ST3GAL2: variants seen among roughly 807,000 people sequenced by gnomAD.
The protein encoded by ST3GAL2 is CMP-N-acetylneuraminate-beta-galactosamide-alpha-2,3-sialyltransferase 2.
A neutral mutation model predicts 37.5 loss-of-function variants in ST3GAL2; 16 were observed. The ratio of observed to expected loss-of-function variants is 0.43; its 90% CI spans 0.29 to 0.65. The LOEUF is 0.65. Ranked by LOEUF, ST3GAL2 falls within the 30% of genes least tolerant of loss-of-function variation. ST3GAL2 has a pLI of 0.17. For missense variants in ST3GAL2, 383 were observed against 487.8 expected (o/e 0.79, Z 2.02); for synonymous variants, 238 against 202.9 (o/e 1.17, Z -1.47).
At chr16:70,432,126 T>C (rs2047795440) in intron 1 of ST3GAL2, among the ~76,000 whole-genome samples, 1 of 152,054 alleles carries the variant, frequency 6.6e-6, no homozygotes, top group African/African-American at 2.4e-5. Flanking sequence ...TATTCCAGCC[T>C]GGGTGACACA....
intron 3 of ST3GAL2, among the ~76,000 whole-genome samples, 166 bp from the exon 4 acceptor site, chr16:70,388,712 G>A (rs2047460232): frequency 6.6e-6 from 1 of 152,122 alleles, no homozygotes; most frequent in Non-Finnish European, 1.5e-5. Flanking sequence ...ACAAAGGTGT[G>A]CAAAGATGTG....
intron 6 of ST3GAL2, 76 bp downstream of exon 6, chr16:70,382,729 A>C (rs2047414789): frequency 6.3e-7 from 1 of 1,594,234 alleles, no homozygotes; most frequent in African/African-American, 1.3e-5. Flanking sequence ...TTCCTCTGTT[A>C]GCCTGCTAAG....
chr16:70,383,547 CAAAA>C (rs374735305), intron 4 of ST3GAL2, among the ~76,000 whole-genome samples: 2 of 68,654 alleles, frequency 2.9e-5, no homozygotes, highest in African/African-American at 1.1e-4. Context: ...GTGAGACTGT[CAAAA>C]AAAAAAAGGA....
At chr16:70,410,971 C>A (rs1014541277) in intron 1 of ST3GAL2, among the ~76,000 whole-genome samples, 1 of 152,148 alleles carries the variant, frequency 6.6e-6, no homozygotes, top group Non-Finnish European at 1.5e-5. Context: ...CCAAAGCCAA[C>A]CAGCGCCAAC....
intron 5 of ST3GAL2, 71 bp from the exon 6 acceptor site, chr16:70,382,995 C>T (rs2047416691): frequency 1.9e-6 from 3 of 1,591,820 alleles, no homozygotes; most frequent in East Asian, 4.5e-5. Flanking sequence ...TGAGCAGCTT[C>T]TACTTGTCTA....
At position 70,377,037 on chromosome 16, in the gene ST3GAL2, G is replaced by A. The variant is rs2047352818; in HGVS notation, c.*4652C>T. The stretch of plus-strand genomic sequence containing the variant: ...ATTATAGGCATGAGCCACCGTGCCT[G>A]GCCATAAAATGTTTTTAAAAAATTT... On this transcript the variant is annotated 3_prime_UTR_variant, in exon 7 of 7. Coordinates refer to ENST00000342907, the MANE Select transcript of ST3GAL2 (RefSeq NM_006927.4). 6.6e-6 allele frequency: 1 copy of A among 151,790 alleles called. No homozygotes were observed. The highest frequency in any genetic ancestry group is 6.6e-5 in the Admixed American group (1 of 15,208). 9.4% of individuals were successfully genotyped at this position (151,790 alleles called of 1,614,324 possible). A position where few individuals can be genotyped will look rare whatever the true frequency, so the allele number is the denominator to read the frequency against.
At chr16:70,390,592 G>A (rs2047476095) in intron 3 of ST3GAL2, among the ~76,000 whole-genome samples, 1 of 152,108 alleles carries the variant, frequency 6.6e-6, no homozygotes, top group Non-Finnish European at 1.5e-5. Context: ...TCCACTCCAA[G>A]GCCAAGAGAA....
At chr16:70,419,439 G>A (rs1192544265) in intron 1 of ST3GAL2, among the ~76,000 whole-genome samples, 1 of 152,222 alleles carries the variant, frequency 6.6e-6, no homozygotes, top group Non-Finnish European at 1.5e-5. Flanking sequence ...CAGGGGAAGT[G>A]ACTGCTTCAG....
At chr16:70,423,357 A>C (rs2047728694) in intron 1 of ST3GAL2, among the ~76,000 whole-genome samples, 1 of 152,174 alleles carries the variant, frequency 6.6e-6, no homozygotes, top group African/African-American at 2.4e-5. Context: ...AAAAATACAA[A>C]AAATTAGCTG....
chr16:70,418,065 T>G (rs2047687839), intron 1 of ST3GAL2, among the ~76,000 whole-genome samples: 1 of 152,196 alleles, frequency 6.6e-6, no homozygotes, highest in Non-Finnish European at 1.5e-5. Flanking sequence ...CAGGGTCCTC[T>G]TTTTCCTTCT....
At chr16:70,411,919 G>A (rs555641309) in intron 1 of ST3GAL2, among the ~76,000 whole-genome samples, 2 of 151,886 alleles carry the variant, frequency 1.3e-5, no homozygotes, top group South Asian at 2.1e-4. Context: ...GCTTGAACCC[G>A]GGAGGCAGAG....
At chr16:70,411,870 T>C (rs993820414) in intron 1 of ST3GAL2, among the ~76,000 whole-genome samples, 23 of 151,862 alleles carry the variant, frequency 1.5e-4, no homozygotes, top group Admixed American at 1.4e-3. Flanking sequence ...GGCGGATGTC[T>C]GTAATCCCAG....
At position 70,398,572 on chromosome 16, in the gene ST3GAL2, C is replaced by G. The variant is rs924941996; in HGVS notation, c.-42G>C. Reference sequence around the variant, plus strand: ...TGACGGTCACCGTGGCCACTCTTTTCCCAGCCCGCTGAGGGGCCAGCCACG... The same window carrying G: ...TGACGGTCACCGTGGCCACTCTTTTGCCAGCCCGCTGAGGGGCCAGCCACG... On this transcript the variant is annotated 5_prime_UTR_variant, in exon 2 of 7. Coordinates refer to ENST00000342907, the MANE Select transcript of ST3GAL2 (RefSeq NM_006927.4). 2.6e-6 allele frequency: 4 copies of G among 1,527,030 alleles called. No individual in the cohort carries two copies. The allele number at this position is 1,527,030 out of a possible 1,614,324, so 94.6% of individuals were successfully genotyped here. A position where few individuals can be genotyped will look rare whatever the true frequency, so the allele number is the denominator to read the frequency against.
chr16:70,381,637 CG>C lies in ST3GAL2; in HGVS notation c.*51del. 1 of 1,590,514 alleles carries C rather than the reference CG, an allele frequency of 6.3e-7. No homozygotes were observed. The highest frequency in any genetic ancestry group is 8.6e-7 in the Non-Finnish European group (1 of 1,168,566). On this transcript the variant is annotated 3_prime_UTR_variant, in exon 7 of 7. Coordinates refer to ENST00000342907, the MANE Select transcript of ST3GAL2 (RefSeq NM_006927.4). ...GGGTTGCTGGTCCTGGGTCCCGGGC[CG>C]GAGCCCCGGTGCCCGATAGATGGGC...
At position 70,398,537 on chromosome 16, in the gene ST3GAL2, G is replaced by A. The variant is rs370307749; in HGVS notation, c.-7C>T. ...CCCGCAGGGAGCACTTCATGGTGCC[G>A]GCAGGCGGGTGACGGTCACCGTGGC... On this transcript the variant is annotated 5_prime_UTR_variant, in exon 2 of 7. Transcript: ENST00000342907. 42 of 1,585,046 alleles carry A rather than the reference G, an allele frequency of 2.6e-5. No homozygotes were observed. The highest frequency in any genetic ancestry group is 2.2e-4 in the African/African-American group (16 of 74,340).
intron 1 of ST3GAL2, among the ~76,000 whole-genome samples, chr16:70,408,431 A>C (rs564786845): frequency 6.6e-4 from 101 of 152,186 alleles, no homozygotes; most frequent in African/African-American, 2.4e-3. Context: ...GCAGGTGGCC[A>C]GTTACCGAAA....
At chr16:70,394,149 A>T (rs1435598138) in intron 3 of ST3GAL2, among the ~76,000 whole-genome samples, 1 of 152,122 alleles carries the variant, frequency 6.6e-6, no homozygotes, top group African/African-American at 2.4e-5. Flanking sequence ...TCAAGACTGA[A>T]CGCCCTCCCA....
rs956214883 is a variant in ST3GAL2, at chr16:70,398,977, G to A, written c.-447C>T. On this transcript the variant is annotated 5_prime_UTR_variant, in exon 2 of 7. It adds an upstream start codon to the 5' untranslated region. Coordinates refer to ENST00000342907, the MANE Select transcript of ST3GAL2 (RefSeq NM_006927.4). Reference sequence around the variant, plus strand: ...TGAGCAGACAATGAGGCGGCCCCTCGTTCCCGGCAGCGGGGAAGCCCTAGA... The same window carrying A: ...TGAGCAGACAATGAGGCGGCCCCTCATTCCCGGCAGCGGGGAAGCCCTAGA... The A allele has an allele frequency of 3.4e-5, 14 of 413,332 alleles. No homozygotes were observed. The highest frequency in any genetic ancestry group is 1.1e-4 in the South Asian group (1 of 9,508). The allele number at this position is 413,332 out of a possible 1,614,324, so 25.6% of individuals were successfully genotyped here. A position where few individuals can be genotyped will look rare whatever the true frequency, so the allele number is the denominator to read the frequency against.
chr16:70,388,597 C>T (rs760965264), intron 3 of ST3GAL2, 51 bp from the exon 4 acceptor site: 4 of 1,524,204 alleles, frequency 2.6e-6, no homozygotes, highest in Admixed American at 4.2e-5. Flanking sequence ...GAAACTGATA[C>T]AAGATTCTTA....
Sources: gnomAD v4.1 joint callset for allele counts (sites outside exome capture counted in the v4.1 genomes callset) on GRCh38, gnomAD v4.1.1 for gene constraint, MANE v1.5 for transcripts, NCBI Gene and HGNC (gene_info 2026-07-23, HGNC 2026-07-21) for gene names.